STX8: variants seen among roughly 807,000 people sequenced by gnomAD.
STX8 encodes the protein syntaxin-8.
Under a neutral mutation model 37.5 loss-of-function variants are expected in STX8, and 23 were observed. The ratio of observed to expected loss-of-function variants is 0.61; its 90% CI spans 0.44 to 0.87. The LOEUF is 0.87. Ranked by LOEUF, STX8 falls within the 40% of genes least tolerant of loss-of-function variation. The probability of loss-of-function intolerance (pLI) is 0.00; values close to 1 mark genes in which losing one functional copy is unlikely to be tolerated. For synonymous variants in STX8, 115 were observed against 99.1 expected, an observed-to-expected ratio of 1.16 and a Z score of -0.95; for missense variants, 313 against 284.7, an observed-to-expected ratio of 1.10 and a Z score of -0.71.
chr17:9,403,196 A>T (rs1912685998), intron 6 of STX8, among the ~76,000 whole-genome samples: 1 of 152,180 alleles, frequency 6.6e-6, no homozygotes, highest in Admixed American at 6.5e-5. Context: ...CTACCTACAA[A>T]CACCATATCA....
intron 3 of STX8, among the ~76,000 whole-genome samples, chr17:9,555,999 C>T (rs954815494): frequency 5.9e-5 from 9 of 152,086 alleles, no homozygotes; most frequent in African/African-American, 2.2e-4. Context: ...ACCAACTGTG[C>T]TGTAACAAAT....
At chr17:9,313,771 C>G (rs978873245) in intron 7 of STX8, among the ~76,000 whole-genome samples, 49 of 152,208 alleles carry the variant, frequency 3.2e-4, no homozygotes, top group African/African-American at 1.2e-3. Context: ...GCTGGGACTA[C>G]AGGCACGTGC....
intron 7 of STX8, among the ~76,000 whole-genome samples, chr17:9,288,907 G>A (rs1908202656): frequency 6.6e-6 from 1 of 152,124 alleles, no homozygotes; most frequent in Admixed American, 6.5e-5. Flanking sequence ...TTTGAGAACT[G>A]AAGGACATGA....
At chr17:9,563,126 G>A (rs1238610583) in intron 2 of STX8, among the ~76,000 whole-genome samples, 1 of 151,722 alleles carries the variant, frequency 6.6e-6, no homozygotes. Flanking sequence ...AGATACAAAA[G>A]AGTATCTGTC....
At chr17:9,527,185 C>CAAAAGAAAAAA (rs1905611982) in intron 4 of STX8, among the ~76,000 whole-genome samples, 1 of 49,634 alleles carries the variant, frequency 2.0e-5, no homozygotes, top group African/African-American at 9.7e-5. Context: ...GACTCCGTCT[C>CAAAAGAAAAAA]AAAAAAAAAA....
chr17:9,293,884 C>T (rs1221493200), intron 7 of STX8, among the ~76,000 whole-genome samples: 1 of 151,994 alleles, frequency 6.6e-6, no homozygotes, highest in Non-Finnish European at 1.5e-5. Flanking sequence ...GTCTCAGCCT[C>T]CCAAGTACCT....
At chr17:9,471,643 C>T (rs1445688321) in intron 6 of STX8, among the ~76,000 whole-genome samples, 3 of 152,118 alleles carry the variant, frequency 2.0e-5, no homozygotes, top group Non-Finnish European at 4.4e-5. Flanking sequence ...ACATGCCAGA[C>T]AGGGTGCCTA....
chr17:9,517,785 T>C (rs1368551609), intron 4 of STX8, among the ~76,000 whole-genome samples: 8 of 59,570 alleles, frequency 1.3e-4, no homozygotes, highest in African/African-American at 2.6e-4. Flanking sequence ...AAGACCCCTA[T>C]TGTAAAAAAA....
rs540815937 is a variant in STX8 at position 9,573,471 on chromosome 17, C to T, written c.17+2321G>A. 3.7e-4 allele frequency among the ~76,000 whole-genome samples: 56 copies of T among 152,250 alleles called. No homozygotes were observed. The South Asian group carries it at 3.9e-3, about 11-fold the overall frequency. ...AGCCCCCCACGCCCTTCGAGGTGTC[C>T]CTCCCTTCTGGATTGAGCCATCATA... On this transcript the variant is annotated intron_variant, in intron 1 of 7. Coordinates refer to ENST00000306357, the MANE Select transcript of STX8 (RefSeq NM_004853.3).
At chr17:9,400,127 G>A (rs1328751769) in intron 6 of STX8, among the ~76,000 whole-genome samples, 2 of 148,162 alleles carry the variant, frequency 1.3e-5, no homozygotes, top group Non-Finnish European at 3.0e-5. Flanking sequence ...TTTTGAGACG[G>A]AGTCTCACTC....
intron 7 of STX8, among the ~76,000 whole-genome samples, chr17:9,368,989 T>G (rs1187224162): frequency 6.6e-6 from 1 of 151,606 alleles, no homozygotes; most frequent in African/African-American, 2.4e-5. Flanking sequence ...GGCACAATCA[T>G]AGCTCACCGC....
At chr17:9,276,943 C>G (rs1907698781) in intron 7 of STX8, among the ~76,000 whole-genome samples, 1 of 148,784 alleles carries the variant, frequency 6.7e-6, no homozygotes, top group South Asian at 2.1e-4. Flanking sequence ...GCCACCTTTT[C>G]TTTTTTTAAA....
At chr17:9,539,234 A>T (rs927120035) in intron 4 of STX8, among the ~76,000 whole-genome samples, 1 of 122,082 alleles carries the variant, frequency 8.2e-6, no homozygotes. Context: ...ACTCTCCTTA[A>T]TAAGGCCACA....
intron 6 of STX8, among the ~76,000 whole-genome samples, chr17:9,423,041 G>A (rs1283479729): frequency 6.6e-6 from 1 of 152,146 alleles, no homozygotes; most frequent in Non-Finnish European, 1.5e-5. Flanking sequence ...AAAAGCAAAA[G>A]CATGCAATGC....
chr17:9,541,448 G>A (rs1906273081), intron 4 of STX8, among the ~76,000 whole-genome samples: 1 of 152,174 alleles, frequency 6.6e-6, no homozygotes, highest in Non-Finnish European at 1.5e-5. Flanking sequence ...GCCGGATGGA[G>A]ACACAATGCT....
chr17:9,533,077 C>A (rs1478919306), intron 4 of STX8, among the ~76,000 whole-genome samples: 2 of 152,190 alleles, frequency 1.3e-5, no homozygotes, highest in Non-Finnish European at 2.9e-5. Flanking sequence ...TACTACTTCT[C>A]AAAATAGAAT....
intron 7 of STX8, among the ~76,000 whole-genome samples, chr17:9,330,362 C>A (rs1036969423): frequency 2.0e-5 from 3 of 152,102 alleles, no homozygotes; most frequent in Non-Finnish European, 2.9e-5. Flanking sequence ...AAAATTAGGC[C>A]CTGGCCTGGA....
intron 2 of STX8, among the ~76,000 whole-genome samples, chr17:9,565,112 G>A (rs1907401710): frequency 6.6e-6 from 1 of 152,168 alleles, no homozygotes; most frequent in African/African-American, 2.4e-5. Flanking sequence ...GGAGGCTGAG[G>A]CACGGGAATC....
Position 9,409,794 on chromosome 17 carries a change from A to G in STX8, c.542-31141T>C, listed in dbSNP as rs555732940. 2.1e-3 allele frequency among the ~76,000 whole-genome samples: 277 copies of G among 130,954 alleles called. 1 individual carries two copies. The highest frequency in any genetic ancestry group is 5.8e-3 in the Admixed American group (54 of 9,380). The allele number at this position is 130,954 out of a possible 152,430, so 85.9% of individuals were successfully genotyped here. ...ATCCCTAATTGGAAGCACTGGGGGG[A>G]AAAAAAGCCAGGTCAGTGGTTCCTC... On this transcript the variant is annotated intron_variant, in intron 6 of 7. Transcript: ENST00000306357.
Sources: allele counts gnomAD v4.1 joint callset (sites outside exome capture counted in the v4.1 genomes callset), GRCh38; gene constraint gnomAD v4.1.1; transcripts MANE v1.5; gene names NCBI Gene and HGNC (gene_info 2026-07-23, HGNC 2026-07-21).